The following PRAC1 variants were observed in gnomAD, a reference collection of about 807,000 sequenced individuals.
PRAC1 encodes the protein small nuclear protein PRAC1.
Under a neutral mutation model 3.1 loss-of-function variants are expected in PRAC1, and 4 were observed. That is an observed-to-expected ratio of 1.28 (90% CI 0.63 to 2.93). PRAC1 has a LOEUF of 2.93. PRAC1 is among the 30% of genes most tolerant of loss of function. The pLI, the probability that PRAC1 is intolerant of heterozygous loss-of-function variation, is 0.01. For synonymous variants in PRAC1, 32 were observed against 27.0 expected, an observed-to-expected ratio of 1.18 and a Z score of -0.57; for missense variants, 72 against 66.8, an observed-to-expected ratio of 1.08 and a Z score of -0.27.
Position 48,721,923 on chromosome 17 carries a change from A to G in PRAC1, c.76-24T>C, listed in dbSNP as rs950262759. The G allele has an allele frequency of 6.7e-6, 10 of 1,491,258 alleles. No homozygotes were observed. The African/African-American group carries it at 8.5e-5, about 13-fold the overall frequency. The allele number at this position is 1,491,258 out of a possible 1,614,324, so 92.4% of individuals were successfully genotyped here. ...TTCTAAAATATTTTACAATATTTAC[A>G]AATTTTAAATAATAATAACGTTATC... On this transcript the variant is annotated intron_variant, in intron 1 of 1. Coordinates refer to ENST00000290294, the MANE Select transcript of PRAC1 (RefSeq NM_032391.3).
At position 48,721,721 on chromosome 17, in the gene PRAC1, T is replaced by C. The variant is rs1324926871; in HGVS notation, c.*80A>G. 3 of 1,303,810 alleles carry C rather than the reference T, an allele frequency of 2.3e-6. No individual in the cohort carries two copies. Among genetic ancestry groups the C allele is most frequent in the Non-Finnish European group, 3.0e-6 (3 of 1,003,394 alleles). 80.8% of individuals were successfully genotyped at this position (1,303,810 alleles called of 1,614,324 possible). A position where few individuals can be genotyped will look rare whatever the true frequency, so the allele number is the denominator to read the frequency against. On this transcript the variant is annotated 3_prime_UTR_variant, in exon 2 of 2. Coordinates refer to ENST00000290294, the MANE Select transcript of PRAC1 (RefSeq NM_032391.3). ...AATCACAGTTAACTTTCACCCAGTTTCCTTTTTTAAAAAAATTTTATTGTA... is the reference window on the plus strand; with the variant it reads ...AATCACAGTTAACTTTCACCCAGTTCCCTTTTTTAAAAAAATTTTATTGTA...
At chr17:48,721,980 C>T in intron 1 of PRAC1, 81 bp from the exon 2 acceptor site, 3 of 1,355,330 alleles carry the variant, frequency 2.2e-6, no homozygotes, top group African/African-American at 2.9e-5. Context: ...AGGACTCCAT[C>T]CCATTGGAGA....
chr17:48,722,280 A>T, intron 1 of PRAC1, 38 bp downstream of exon 1: 3 of 1,546,896 alleles, frequency 1.9e-6, no homozygotes, highest in Non-Finnish European at 2.7e-6. Context: ...ATACTGAGCG[A>T]TCCGTCGATA....
At position 48,722,497 on chromosome 17, in the gene PRAC1, G is replaced by A. The variant is rs2038156890; in HGVS notation, c.-105C>T. ...CCTCCCAGTGGCGCTCTGTTTGCAC[G>A]CCTTAGGCTAGGAGAGGAAGGACGG... On this transcript the variant is annotated 5_prime_UTR_variant, in exon 1 of 2. Transcript: ENST00000290294. The A allele has an allele frequency of 1.1e-6, 1 of 947,984 alleles. No individual in the cohort carries two copies. The highest frequency in any genetic ancestry group is 2.4e-5 in the East Asian group (1 of 41,258). 58.7% of individuals were successfully genotyped at this position (947,984 alleles called of 1,614,324 possible).
rs1247822077 is a variant in PRAC1 at position 48,721,831 on chromosome 17, A to T, written c.144T>A (p.Ile48=). Reference sequence around the variant, plus strand: ...GAATCTTCCTGCCTCGGCCTCCCGAAATTCCAGAATTACAGGCTGAGCCAT... The same window carrying T: ...GAATCTTCCTGCCTCGGCCTCCCGATATTCCAGAATTACAGGCTGAGCCAT... ...RSDGSACNSG[I]SGGRGRKIP Residue 48 remains isoleucine (I), a synonymous_variant, in exon 2 of 2, where the codon ATT becomes ATA. Transcript: ENST00000290294. The T allele has an allele frequency of 6.5e-7, 1 of 1,543,054 alleles. No individual in the cohort carries two copies. Among genetic ancestry groups the T allele is most frequent in the Admixed American group, 2.0e-5 (1 of 50,722 alleles).
rs1472253584 is a variant in PRAC1 at position 48,722,465 on chromosome 17, G to T, written c.-73C>A. On this transcript the variant is annotated 5_prime_UTR_variant, in exon 1 of 2. Transcript: ENST00000290294. The stretch of plus-strand genomic sequence containing the variant: ...CTTGCAAGCAAGCATCGGCCTAAAG[G>T]TTTCAGCCTCCCAGTGGCGCTCTGT... 87 of 1,347,186 alleles carry T rather than the reference G, an allele frequency of 6.5e-5. No homozygotes were observed. The East Asian group carries it at 2.0e-3, about 31-fold the overall frequency. The allele number at this position is 1,347,186 out of a possible 1,614,324, so 83.5% of individuals were successfully genotyped here.
rs953755439 is a variant in PRAC1, at chr17:48,721,760, C to G, written c.*41G>C. 5.5e-6 allele frequency: 8 copies of G among 1,455,240 alleles called. No individual in the cohort carries two copies. The highest frequency in any genetic ancestry group is 7.3e-6 in the Non-Finnish European group (8 of 1,099,644). The allele number at this position is 1,455,240 out of a possible 1,614,324, so 90.1% of individuals were successfully genotyped here. A position where few individuals can be genotyped will look rare whatever the true frequency, so the allele number is the denominator to read the frequency against. ...AATTTTATTGTATAAATAGAGACAG[C>G]GTCTTGCTACATTGCCCAGGCTGGT... is the stretch of plus-strand genomic sequence containing the variant. On this transcript the variant is annotated 3_prime_UTR_variant, in exon 2 of 2. Coordinates refer to ENST00000290294, the MANE Select transcript of PRAC1 (RefSeq NM_032391.3).
rs1277482585 is a variant in PRAC1, at chr17:48,722,312, G to A, written c.75+6C>T. ...GATAACGCCCTTGGCCCACCGATCA[G>A]TTTACCTTATTAGAGAGAAAAGCAC... On this transcript the variant is annotated splice_donor_region_variant and intron_variant, in intron 1 of 1. Transcript: ENST00000290294. 1.9e-6 allele frequency: 3 copies of A among 1,612,282 alleles called. No individual in the cohort carries two copies. The highest frequency in any genetic ancestry group is 1.1e-5 in the South Asian group (1 of 91,040).
At position 48,722,433 on chromosome 17, in the gene PRAC1, G is replaced by C; in HGVS notation, c.-41C>G. 1 of 1,575,918 alleles carries C rather than the reference G, an allele frequency of 6.3e-7. No homozygotes were observed. The highest frequency in any genetic ancestry group is 8.7e-7 in the Non-Finnish European group (1 of 1,145,070). ...AAAGGTGGGGACCAGAATCCAGCTT[G>C]CCTGACCTTGCAAGCAAGCATCGGC... On this transcript the variant is annotated 5_prime_UTR_variant, in exon 1 of 2. Transcript: ENST00000290294.
At chr17:48,721,979 T>A (rs1482269288) in intron 1 of PRAC1, 80 bp from the exon 2 acceptor site, 14 of 1,368,290 alleles carry the variant, frequency 1.0e-5, no homozygotes, top group Non-Finnish European at 1.4e-5. Flanking sequence ...CAGGACTCCA[T>A]CCCATTGGAG....
Position 48,721,886 on chromosome 17 carries a change from A to G in PRAC1, c.89T>C (p.Leu30Ser), listed in dbSNP as rs763539042. ...AFLSNKKTSTLKHLLGETRSD... is the reference protein window; with the variant it reads ...AFLSNKKTSTSKHLLGETRSD... ...CCTGGTCTCGCCCAGTAGATGTTTC[A>G]AAGTAGATGTTTTCTAAAATATTTT... Residue 30 changes from leucine (L) to serine (S), a missense_variant, in exon 2 of 2, where the codon TTG becomes TCG. Physicochemically the swap from Leu to Ser is moderately radical, Grantham distance 145 (BLOSUM62 -2). Coordinates refer to ENST00000290294, the MANE Select transcript of PRAC1 (RefSeq NM_032391.3). 1 of 1,519,678 alleles carries G rather than the reference A, an allele frequency of 6.6e-7. No homozygotes were observed. The highest frequency in any genetic ancestry group is 1.3e-5 in the South Asian group (1 of 77,276). 94.1% of individuals were successfully genotyped at this position (1,519,678 alleles called of 1,614,324 possible). A position where few individuals can be genotyped will look rare whatever the true frequency, so the allele number is the denominator to read the frequency against.
rs760966201 is a variant in PRAC1, at chr17:48,722,427, C to T, written c.-35G>A. On this transcript the variant is annotated 5_prime_UTR_variant, in exon 1 of 2. Transcript: ENST00000290294. ...CTCTGCAAAGGTGGGGACCAGAATC[C>T]AGCTTGCCTGACCTTGCAAGCAAGC... is the stretch of plus-strand genomic sequence containing the variant. 1.2e-5 allele frequency: 19 copies of T among 1,597,662 alleles called. No individual in the cohort carries two copies. In the African/African-American group the frequency reaches 1.7e-4, roughly 15 times the overall value.
Position 48,722,407 on chromosome 17 carries a change from C to G in PRAC1, c.-15G>C. 1 of 1,613,418 alleles carries G rather than the reference C, an allele frequency of 6.2e-7. No individual in the cohort carries two copies. ...GCGCACAACATCGCTGTTCTCTCTG[C>G]AAAGGTGGGGACCAGAATCCAGCTT... On this transcript the variant is annotated 5_prime_UTR_variant, in exon 1 of 2. Coordinates refer to ENST00000290294, the MANE Select transcript of PRAC1 (RefSeq NM_032391.3).
At position 48,722,422 on chromosome 17, in the gene PRAC1, G is replaced by A. The variant is rs1253347200; in HGVS notation, c.-30C>T. 1 of 1,605,568 alleles carries A rather than the reference G, an allele frequency of 6.2e-7. No individual in the cohort carries two copies. The highest frequency in any genetic ancestry group is 8.5e-7 in the Non-Finnish European group (1 of 1,172,314). ...GTTCTCTCTGCAAAGGTGGGGACCA[G>A]AATCCAGCTTGCCTGACCTTGCAAG... On this transcript the variant is annotated 5_prime_UTR_variant, in exon 1 of 2. Transcript: ENST00000290294.
rs769402207 is a variant in PRAC1 at position 48,722,393 on chromosome 17, C to G, written c.-1G>C. ...GATCTGAGAAATGGGCGCACAACAT[C>G]GCTGTTCTCTCTGCAAAGGTGGGGA... On this transcript the variant is annotated 5_prime_UTR_variant, in exon 1 of 2. Coordinates refer to ENST00000290294, the MANE Select transcript of PRAC1 (RefSeq NM_032391.3). 2 of 1,613,946 alleles carry G rather than the reference C, an allele frequency of 1.2e-6. No individual in the cohort carries two copies. Among genetic ancestry groups the G allele is most frequent in the African/African-American group, 2.7e-5 (2 of 74,936 alleles).
At position 48,721,870 on chromosome 17, in the gene PRAC1, G is replaced by A. The variant is rs542888991; in HGVS notation, c.105C>T (p.Gly35=). 1.6e-5 allele frequency: 25 copies of A among 1,534,604 alleles called. No homozygotes were observed. The African/African-American group carries it at 1.9e-4, about 12-fold the overall frequency. Residue 35 remains glycine, a synonymous_variant, in exon 2 of 2, where the codon GGC becomes GGT. Transcript: ENST00000290294. ...AGGCTGAGCCATCACTCCTGGTCTCGCCCAGTAGATGTTTCAAAGTAGATG... is the reference window on the plus strand; with the variant it reads ...AGGCTGAGCCATCACTCCTGGTCTCACCCAGTAGATGTTTCAAAGTAGATG... ...KKTSTLKHLL[G]ETRSDGSACN...
rs1405393068 is a variant in PRAC1, at chr17:48,721,721, TC to T, written c.*79del. ...AATCACAGTTAACTTTCACCCAGTT[TC>T]CTTTTTTAAAAAAATTTTATTGTAT... On this transcript the variant is annotated 3_prime_UTR_variant, in exon 2 of 2. Transcript: ENST00000290294. 1.5e-6 allele frequency: 2 copies of T among 1,303,810 alleles called. No homozygotes were observed. The highest frequency in any genetic ancestry group is 7.0e-5 in the Admixed American group (2 of 28,612). 80.8% of individuals were successfully genotyped at this position (1,303,810 alleles called of 1,614,324 possible).
chr17:48,721,828 C>A lies in PRAC1; in HGVS notation c.147G>T (p.Ser49=), dbSNP rs1466454435. The change falls in exon 2 of 2, where the codon TCG becomes TCT. Residue 49 remains serine (S), a synonymous_variant. Transcript: ENST00000290294. The part of the protein sequence containing the change: ...SDGSACNSGI[S]GGRGRKIP ...AAGGAATCTTCCTGCCTCGGCCTCC[C>A]GAAATTCCAGAATTACAGGCTGAGC... The A allele has an allele frequency of 1.3e-6, 2 of 1,542,752 alleles. No individual in the cohort carries two copies. The highest frequency in any genetic ancestry group is 4.9e-5 in the East Asian group (2 of 40,476).
intron 1 of PRAC1, 40 bp downstream of exon 1, chr17:48,722,278 C>G: frequency 2.0e-6 from 3 of 1,533,042 alleles, no homozygotes; most frequent in South Asian, 2.2e-5. Context: ...CCATACTGAG[C>G]GATCCGTCGA....
Sources: gnomAD v4.1 joint callset for allele counts on GRCh38, gnomAD v4.1.1 for gene constraint, MANE v1.5 for transcripts, NCBI Gene and HGNC (gene_info 2026-07-23, HGNC 2026-07-21) for gene names.